Variants in AXL observed in about 807,000 individuals in gnomAD.
AXL encodes tyrosine-protein kinase receptor UFO.
A neutral mutation model predicts 104.5 loss-of-function variants in AXL; 52 were observed. The observed-to-expected ratio is 0.50, with a 90% CI of 0.40 to 0.63. The LOEUF is 0.63. Ranked by LOEUF, AXL falls within the 20% of genes least tolerant of loss-of-function variation. The pLI is 0.00. For missense variants in AXL, 1,024 were observed against 1,188.5 expected (o/e 0.86, Z 2.04); for synonymous variants, 455 against 473.7 (o/e 0.96, Z 0.51).
In AXL at chr19:41,221,328, G is replaced by C. The variant is rs1226081660; in HGVS notation, c.409+82G>C. 2.7e-5 allele frequency: 26 copies of C among 952,510 alleles called. 1 individual carries two copies. The South Asian group carries it at 3.8e-4, about 14-fold the overall frequency. 59.0% of individuals were successfully genotyped at this position (952,510 alleles called of 1,614,324 possible). A position where few individuals can be genotyped will look rare whatever the true frequency, so the allele number is the denominator to read the frequency against. On this transcript the variant is annotated intron_variant, in intron 3 of 19. Coordinates refer to ENST00000301178, the MANE Select transcript of AXL (RefSeq NM_021913.5). ...TGTGGGAAGTCAGGAATCCTGAGGG[G>C]TCAAGGTCAAAGGGTGCTGGAGGAT...
At chr19:41,223,781 G>A (rs1351704270) in intron 4 of AXL, among the ~76,000 whole-genome samples, 1 of 152,102 alleles carries the variant, frequency 6.6e-6, no homozygotes, top group Admixed American at 6.6e-5. Flanking sequence ...CAGGTCCCAT[G>A]AGAAGGGGAG....
intron 19 of AXL, among the ~76,000 whole-genome samples, chr19:41,258,651 C>A (rs1178055390): frequency 6.6e-6 from 1 of 152,166 alleles, no homozygotes; most frequent in African/African-American, 2.4e-5. Flanking sequence ...ATCGTGACCT[C>A]ATGATCCACC....
Position 41,253,724 on chromosome 19 carries a change from G to T in AXL, c.2036+16G>T, listed in dbSNP as rs775607202. 7.1e-6 allele frequency: 11 copies of T among 1,542,414 alleles called. No individual in the cohort carries two copies. In the South Asian group the frequency reaches 9.2e-5, roughly 13 times the overall value. ...GGAACTGCATGTGAGTGCCTTTCAG[G>T]GACCCCCCCCCCCCAACTGCTCCTG... On this transcript the variant is annotated intron_variant, in intron 17 of 19. Transcript: ENST00000301178.
intron 6 of AXL, among the ~76,000 whole-genome samples, chr19:41,234,175 G>A (rs1771163382): frequency 6.6e-6 from 1 of 152,080 alleles, no homozygotes; most frequent in African/African-American, 2.4e-5. Flanking sequence ...TGTGACTTTG[G>A]GCAAGTTGCT....
chr19:41,220,358 G>T, intron 1 of AXL: 1 of 406,068 alleles, frequency 2.5e-6, no homozygotes, highest in Non-Finnish European at 4.5e-6. Flanking sequence ...GGAGGGGGCA[G>T]GGGCTGGCCC....
chr19:41,234,549 GAAAA>G lies in AXL; in HGVS notation c.783+3253_783+3256del, dbSNP rs1193153724. The stretch of plus-strand genomic sequence containing the variant: ...GACCCTGCCTAAAAAAAAGAAAAAA[GAAAA>G]AGAAAGAAAGAAAGAAAACAAACGT... On this transcript the variant is annotated intron_variant, in intron 6 of 19. Coordinates refer to ENST00000301178, the MANE Select transcript of AXL (RefSeq NM_021913.5). 2.0e-5 allele frequency among the ~76,000 whole-genome samples: 3 copies of G among 151,954 alleles called. No individual in the cohort carries two copies. The East Asian group carries it at 5.8e-4, about 29-fold the overall frequency.
chr19:41,243,044 G>A, intron 11 of AXL, 29 bp downstream of exon 11: 2 of 1,614,038 alleles, frequency 1.2e-6, no homozygotes, highest in Non-Finnish European at 8.5e-7. Flanking sequence ...GGGAGGCTGT[G>A]TGGCCTGGGA....
chr19:41,247,860 C>A (rs181730298), intron 12 of AXL, among the ~76,000 whole-genome samples: 1 of 151,290 alleles, frequency 6.6e-6, no homozygotes, highest in South Asian at 2.1e-4. Context: ...GCTGCGATTA[C>A]AGGCATGAGC....
intron 6 of AXL, among the ~76,000 whole-genome samples, chr19:41,237,506 G>A (rs997278742): frequency 6.6e-6 from 1 of 152,180 alleles, no homozygotes; most frequent in East Asian, 1.9e-4. Context: ...GCCTCCCAAA[G>A]TGCTGGGATT....
At chr19:41,251,594 G>A (rs1049040500) in intron 14 of AXL, among the ~76,000 whole-genome samples, 1 of 151,712 alleles carries the variant, frequency 6.6e-6, no homozygotes, top group East Asian at 1.9e-4. Flanking sequence ...CGGGATGGTG[G>A]TGCGTGCCTG....
At chr19:41,238,847 T>C (rs544717187) in intron 8 of AXL, among the ~76,000 whole-genome samples, 36 of 152,200 alleles carry the variant, frequency 2.4e-4, no homozygotes, top group African/African-American at 8.0e-4. Flanking sequence ...TCATATTTAC[T>C]ATATAACGAT....
At chr19:41,238,744 G>T in intron 8 of AXL, 135 bp downstream of exon 8, 1 of 1,302,566 alleles carries the variant, frequency 7.7e-7, no homozygotes, top group Non-Finnish European at 1.0e-6. Flanking sequence ...TTCAGGGAAG[G>T]TTCACATTCA....
chr19:41,259,817 TGTC>T lies in AXL; in HGVS notation c.2599_2601del (p.Val867del), dbSNP rs748580807. ...CTGAGGTCCATCCTGCTGGACGCTA[TGTC>T]CTCTGCCCTTCCACAACCCCTAGCC... On this transcript the variant is annotated inframe_deletion, in exon 20 of 20. Transcript: ENST00000301178. 6.2e-7 allele frequency: 1 copy of T among 1,614,090 alleles called. No homozygotes were observed. Among genetic ancestry groups the T allele is most frequent in the Non-Finnish European group, 8.5e-7 (1 of 1,179,988 alleles).
chr19:41,244,731 T>A (rs2034242751), intron 12 of AXL, among the ~76,000 whole-genome samples: 1 of 152,060 alleles, frequency 6.6e-6, no homozygotes, highest in African/African-American at 2.4e-5. Context: ...CCTCAAGTGA[T>A]CAACCTGCCT....
At chr19:41,231,461 C>T (rs1461607996) in intron 6 of AXL, among the ~76,000 whole-genome samples, 163 bp downstream of exon 6, 3 of 152,130 alleles carry the variant, frequency 2.0e-5, no homozygotes, top group Admixed American at 6.6e-5. Flanking sequence ...CCTAGCTCCA[C>T]CACCTTCTGG....
Position 41,256,117 on chromosome 19 carries a change from G to C in AXL, c.2037-335G>C, listed in dbSNP as rs183304628. ...TGTGTGTGTGAAAATTCAGTGAGCT[G>C]CTTACTTATGACTTGTGCACATTTC... is the stretch of plus-strand genomic sequence containing the variant. On this transcript the variant is annotated intron_variant, in intron 17 of 19. Transcript: ENST00000301178. Among the ~76,000 whole-genome samples, 3 of 149,974 alleles carry C rather than the reference G, an allele frequency of 2.0e-5. No individual in the cohort carries two copies. In the East Asian group the frequency reaches 5.8e-4, roughly 29 times the overall value.
intron 7 of AXL, 76 bp from the exon 8 acceptor site, chr19:41,238,394 C>G (rs927538718): frequency 3.8e-6 from 6 of 1,569,082 alleles, no homozygotes; most frequent in Non-Finnish European, 3.5e-6. Context: ...TGGCACCCTG[C>G]ACCCACTTCC....
chr19:41,221,770 T>A, intron 3 of AXL, 110 bp from the exon 4 acceptor site: 1 of 1,214,600 alleles, frequency 8.2e-7, no homozygotes, highest in East Asian at 2.6e-5. Flanking sequence ...GGCAAGTCAA[T>A]GACCCTGCAG....
chr19:41,219,593 G>T, intron 1 of AXL, 116 bp downstream of exon 1: 6 of 1,213,190 alleles, frequency 4.9e-6, no homozygotes, highest in Non-Finnish European at 5.8e-6. Flanking sequence ...GAGTTTCCTT[G>T]GGACCACAGA....
Sources: allele counts gnomAD v4.1 joint callset (sites outside exome capture counted in the v4.1 genomes callset), GRCh38; gene constraint gnomAD v4.1.1; transcripts MANE v1.5; gene names NCBI Gene and HGNC (gene_info 2026-07-23, HGNC 2026-07-21).